OSBPL10: variants seen among roughly 807,000 people sequenced by gnomAD.
The protein encoded by OSBPL10 is oxysterol binding protein like 10, also known as oxysterol-binding protein-related protein 10.
A neutral mutation model predicts 81.7 loss-of-function variants in OSBPL10; 49 were observed. The observed-to-expected ratio is 0.60, with a 90% CI of 0.48 to 0.76. The LOEUF is 0.76. Among genes scored for constraint, OSBPL10 ranks in the 30% least tolerant of loss-of-function variants. The probability of loss-of-function intolerance (pLI) is 0.00; values close to 1 mark genes in which losing one functional copy is unlikely to be tolerated. For synonymous variants in OSBPL10, 419 were observed against 383.6 expected (o/e 1.09, Z -1.08); for missense variants, 923 against 987.8 (o/e 0.93, Z 0.88).
intron 4 of OSBPL10, among the ~76,000 whole-genome samples, chr3:31,808,924 T>C (rs1038854254): frequency 2.6e-5 from 4 of 152,206 alleles, no homozygotes; most frequent in Non-Finnish European, 4.4e-5. Flanking sequence ...AAGGAATCAA[T>C]TAATACCTCT....
chr3:31,744,590 C>T (rs9874768), intron 5 of OSBPL10, among the ~76,000 whole-genome samples: 70,516 of 145,058 alleles, frequency 0.49, 18,071 homozygotes, highest in East Asian at 0.78. Context: ...GGGCAAGTGA[C>T]AGTCAAAGGT....
intron 2 of OSBPL10, among the ~76,000 whole-genome samples, chr3:32,009,740 T>C (rs961089893): frequency 1.3e-5 from 2 of 152,236 alleles, no homozygotes; most frequent in Admixed American, 6.5e-5. Context: ...CTTCCCCATC[T>C]TGGGCCCAAG....
At chr3:31,710,777 G>GTCTCCAGACC (rs1382813685) in intron 6 of OSBPL10, 6 of 152,358 alleles carry the variant, frequency 3.9e-5, no homozygotes, top group African/African-American at 1.4e-4. Flanking sequence ...CCTAGGAAAG[G>GTCTCCAGACC]TAGGGAAGAA....
At chr3:32,045,536 T>A (rs1279468241) in intron 2 of OSBPL10, among the ~76,000 whole-genome samples, 1 of 152,190 alleles carries the variant, frequency 6.6e-6, no homozygotes, top group Non-Finnish European at 1.5e-5. Context: ...GATAATAGAA[T>A]GACCGTAAGC....
rs1033772641 is a variant in OSBPL10 at position 31,898,770 on chromosome 3, GAATA to G, written c.282-18944_282-18941del. 3.3e-5 allele frequency among the ~76,000 whole-genome samples: 5 copies of G among 151,770 alleles called. No homozygotes were observed. The South Asian group carries it at 6.3e-4, about 19-fold the overall frequency. ...AGTCTTGTTTGCAAAAAGAAATGATGAATAAATAAAATGGTAAACAAAGGCAAAT... is the reference window on the plus strand; with the variant it reads ...AGTCTTGTTTGCAAAAAGAAATGATGAATAAAATGGTAAACAAAGGCAAAT... On this transcript the variant is annotated intron_variant, in intron 1 of 11. Transcript: ENST00000396556.
At chr3:31,849,384 A>T (rs905477932) in intron 3 of OSBPL10, among the ~76,000 whole-genome samples, 1 of 152,216 alleles carries the variant, frequency 6.6e-6, no homozygotes, top group Non-Finnish European at 1.5e-5. Context: ...TATATCTTCT[A>T]GTCCAATCCT....
Position 31,748,643 on chromosome 3 carries a change from CA to C in OSBPL10, c.730-524del, listed in dbSNP as rs5847713. ...ATGCTGAGCCCCCTTCGCTCGCTTG[CA>C]AAAAAAAAAAAAAAAATGCTAAACA... On this transcript the variant is annotated intron_variant, in intron 4 of 11. Coordinates refer to ENST00000396556, the MANE Select transcript of OSBPL10 (RefSeq NM_017784.5). 8.0e-3 allele frequency among the ~76,000 whole-genome samples: 1,023 copies of C among 127,654 alleles called. 7 individuals are homozygous for C. The highest frequency in any genetic ancestry group is 0.029 in the African/African-American group (969 of 33,618). The allele number at this position is 127,654 out of a possible 152,430, so 83.7% of individuals were successfully genotyped here. A position where few individuals can be genotyped will look rare whatever the true frequency, so the allele number is the denominator to read the frequency against.
chr3:31,677,627 T>C (rs1575469286), intron 8 of OSBPL10, among the ~76,000 whole-genome samples: 1 of 152,248 alleles, frequency 6.6e-6, no homozygotes, highest in East Asian at 1.9e-4. Flanking sequence ...GGAGAGGGTG[T>C]TCCACGGCTT....
At chr3:31,981,300 A>G (rs1698837975), upstream of OSBPL10, 1 of 1,278,712 alleles carries the variant, frequency 7.8e-7, no homozygotes, top group Non-Finnish European at 9.8e-7. This position sits in a 1 kb window ranked among gnomAD's most constrained non-coding sequence, Gnocchi z 4.5. Flanking sequence ...TCCCCGGGAA[A>G]TGCCTGACTC....
intron 2 of OSBPL10, among the ~76,000 whole-genome samples, chr3:32,014,442 A>G (rs1485553049): frequency 6.6e-6 from 1 of 152,222 alleles, no homozygotes; most frequent in East Asian, 1.9e-4. Context: ...GATGGGATGT[A>G]TCTTAAAATA....
chr3:31,959,635 A>T (rs1244580350), intron 1 of OSBPL10, among the ~76,000 whole-genome samples: 1 of 152,198 alleles, frequency 6.6e-6, no homozygotes, highest in Non-Finnish European at 1.5e-5. Context: ...AACAAAACAC[A>T]AGGCAAAAAG....
chr3:31,804,457 G>A (rs1019825874), intron 4 of OSBPL10, among the ~76,000 whole-genome samples: 1 of 152,046 alleles, frequency 6.6e-6, no homozygotes, highest in African/African-American at 2.4e-5. Context: ...CAGCCTCTAG[G>A]GTAAACAAAC....
intron 4 of OSBPL10, among the ~76,000 whole-genome samples, chr3:31,751,997 C>A (rs1283547921): frequency 6.6e-6 from 1 of 152,164 alleles, no homozygotes; most frequent in East Asian, 1.9e-4. Context: ...CAAGTTTTAG[C>A]TATGTCCATC....
intron 3 of OSBPL10, among the ~76,000 whole-genome samples, chr3:31,857,663 C>G (rs537077453): frequency 1.2e-4 from 18 of 146,784 alleles, no homozygotes; most frequent in African/African-American, 4.5e-4. Flanking sequence ...TGAATAATAT[C>G]AAAAGGTACA....
At chr3:32,068,729 C>T (rs1179076509) in intron 1 of OSBPL10, among the ~76,000 whole-genome samples, 1 of 151,900 alleles carries the variant, frequency 6.6e-6, no homozygotes, top group Non-Finnish European at 1.5e-5. Context: ...GCATTTTTCA[C>T]ACTTCATTCT....
chr3:31,726,513 A>G lies in OSBPL10; in HGVS notation c.1095+6744T>C, dbSNP rs562201189. Among the ~76,000 whole-genome samples, 16 of 151,840 alleles carry G rather than the reference A, an allele frequency of 1.1e-4. No homozygotes were observed. The East Asian group carries it at 3.1e-3, about 30-fold the overall frequency. On this transcript the variant is annotated intron_variant, in intron 6 of 11. Coordinates refer to ENST00000396556, the MANE Select transcript of OSBPL10 (RefSeq NM_017784.5). ...TGTATTTTTAGTAGAAACAGGTTTC[A>G]CCATGTTGGCCAGGACGGTCTCGAT...
intron 4 of OSBPL10, among the ~76,000 whole-genome samples, chr3:31,769,583 AAT>A (rs1008740146): frequency 1.1e-3 from 160 of 147,108 alleles, no homozygotes; most frequent in African/African-American, 3.7e-3. Flanking sequence ...TCATTATAAA[AAT>A]ATATTTTATT....
At chr3:31,789,586 C>T (rs1281199104) in intron 4 of OSBPL10, among the ~76,000 whole-genome samples, 2 of 152,158 alleles carry the variant, frequency 1.3e-5, no homozygotes, top group East Asian at 3.9e-4. Context: ...AGTGCAGAGC[C>T]GGGAGCACTG....
intron 3 of OSBPL10, among the ~76,000 whole-genome samples, chr3:31,835,680 A>T (rs746219139): frequency 2.9e-4 from 44 of 152,230 alleles, no homozygotes; most frequent in Non-Finnish European, 5.9e-4. Flanking sequence ...AAAAAAATCA[A>T]ACAAGTCTGG....
Sources: gnomAD v4.1 joint callset for allele counts (sites outside exome capture counted in the v4.1 genomes callset) on GRCh38, gnomAD v4.1.1 for gene constraint, Gnocchi (gnomAD v3.1) non-coding constraint, MANE v1.5 for transcripts, NCBI Gene and HGNC (gene_info 2026-07-23, HGNC 2026-07-21) for gene names.